Variants in PDE10A observed in about 807,000 individuals in gnomAD.
PDE10A encodes the protein cAMP and cAMP-inhibited cGMP 3',5'-cyclic phosphodiesterase 10A.
PDE10A carries 39 observed loss-of-function variants against 97.7 expected under a neutral mutation model. That is an observed-to-expected ratio of 0.40 (90% CI 0.31 to 0.52). PDE10A has a LOEUF of 0.52. Among genes scored for constraint, PDE10A ranks in the 20% least tolerant of loss-of-function variants. The probability of loss-of-function intolerance (pLI) is 0.56; values close to 1 mark genes in which losing one functional copy is unlikely to be tolerated. For synonymous variants in PDE10A, 371 were observed against 376.8 expected (o/e 0.98, Z 0.18); for missense variants, 731 against 1,047.8 (o/e 0.70, Z 4.17).
At chr6:165,404,851 A>AAAAACAAAACAAAAC (rs59508942) in intron 13 of PDE10A, among the ~76,000 whole-genome samples, 12 of 150,974 alleles carry the variant, frequency 7.9e-5, no homozygotes, top group African/African-American at 2.9e-4. Context: ...ACCAAAATGC[A>AAAAACAAAACAAAAC]AAAACAAAAC....
chr6:165,479,050 C>T (rs1305432157), intron 3 of PDE10A, among the ~76,000 whole-genome samples: 1 of 152,166 alleles, frequency 6.6e-6, no homozygotes, highest in African/African-American at 2.4e-5. Context: ...TCTGGACACA[C>T]CTCAGAACCT....
chr6:165,669,419 A>G (rs888547653), intron 1 of PDE10A, among the ~76,000 whole-genome samples: 1 of 152,202 alleles, frequency 6.6e-6, no homozygotes, highest in Non-Finnish European at 1.5e-5. Context: ...CATCATCAAC[A>G]AAGGAAAGGT....
intron 16 of PDE10A, among the ~76,000 whole-genome samples, chr6:165,390,094 A>C (rs1785583507): frequency 6.6e-6 from 1 of 152,192 alleles, no homozygotes; most frequent in Non-Finnish European, 1.5e-5. Context: ...ATTATACCTG[A>C]AAAGGGGGAA....
At chr6:165,891,962 T>A (rs1781813234) in intron 1 of PDE10A, among the ~76,000 whole-genome samples, 1 of 136,832 alleles carries the variant, frequency 7.3e-6, no homozygotes, top group Admixed American at 7.5e-5. Context: ...TTTTTTTTTT[T>A]TAATGTGATG....
At chr6:165,339,836 C>A (rs931125255) in intron 19 of PDE10A, among the ~76,000 whole-genome samples, 1 of 152,300 alleles carries the variant, frequency 6.6e-6, no homozygotes, top group African/African-American at 2.4e-5. Flanking sequence ...CTACACATAT[C>A]ATCTAATTTA....
intron 1 of PDE10A, among the ~76,000 whole-genome samples, chr6:165,889,925 A>C (rs949544557): frequency 0.075 from 372 of 4,940 alleles, no homozygotes; most frequent in African/African-American, 0.088. Context: ...CTCACTCCTC[A>C]CTCCTCCCTC....
chr6:165,790,470 A>C (rs1778616885), intron 1 of PDE10A, among the ~76,000 whole-genome samples: 1 of 152,212 alleles, frequency 6.6e-6, no homozygotes, highest in Non-Finnish European at 1.5e-5. Context: ...ATAAATATAA[A>C]ATTGTAATAA....
intron 17 of PDE10A, among the ~76,000 whole-genome samples, chr6:165,384,079 C>A (rs1375976987): frequency 6.6e-6 from 1 of 152,074 alleles, no homozygotes; most frequent in East Asian, 1.9e-4. Flanking sequence ...ATTCCAGAGG[C>A]CCCAGAGAGT....
chr6:165,660,565 C>G (rs182880514), intron 1 of PDE10A: 2 of 152,626 alleles, frequency 1.3e-5, no homozygotes, highest in Non-Finnish European at 2.9e-5. Flanking sequence ...AATACGCTCG[C>G]CAGCCCGGGG....
At chr6:165,836,515 T>G (rs1302394172) in intron 1 of PDE10A, among the ~76,000 whole-genome samples, 1 of 152,312 alleles carries the variant, frequency 6.6e-6, no homozygotes, top group East Asian at 1.9e-4. Flanking sequence ...TCTGATTAAG[T>G]CTTACAATAT....
chr6:165,571,919 G>T (rs368870116), intron 1 of PDE10A, among the ~76,000 whole-genome samples: 5 of 152,056 alleles, frequency 3.3e-5, no homozygotes, highest in Admixed American at 2.0e-4. Context: ...TAATATTTAG[G>T]AGCCAAATTG....
intron 1 of PDE10A, among the ~76,000 whole-genome samples, chr6:165,906,037 CTT>C (rs1782266402): frequency 1.3e-4 from 1 of 7,746 alleles, no homozygotes; most frequent in African/African-American, 4.8e-4. Flanking sequence ...TCCTTCCTTC[CTT>C]CCTTCCTTCC....
chr6:165,598,966 C>T (rs138333433), intron 1 of PDE10A, among the ~76,000 whole-genome samples: 8 of 152,130 alleles, frequency 5.3e-5, no homozygotes, highest in African/African-American at 7.2e-5. Context: ...TTCTACCCTA[C>T]GCAGACTGCC....
intron 1 of PDE10A, among the ~76,000 whole-genome samples, chr6:165,897,404 C>A (rs2128483533): frequency 6.6e-6 from 1 of 151,938 alleles, no homozygotes; most frequent in African/African-American, 2.4e-5. Context: ...TGGGAGTGGG[C>A]ACCATCCAGT....
intron 6 of PDE10A, among the ~76,000 whole-genome samples, chr6:165,434,532 T>G (rs1471163119): frequency 2.0e-5 from 3 of 152,228 alleles, no homozygotes; most frequent in Non-Finnish European, 4.4e-5. Context: ...TGTATCTATG[T>G]GCATGGTTAG....
At chr6:165,968,128 C>T (rs1041900783) in intron 1 of PDE10A, among the ~76,000 whole-genome samples, 37 of 152,136 alleles carry the variant, frequency 2.4e-4, no homozygotes, top group African/African-American at 8.5e-4. Context: ...GGTGGCAGTG[C>T]CCCTCCTCCA....
chr6:165,850,846 A>G (rs1450955389), intron 1 of PDE10A, among the ~76,000 whole-genome samples: 1 of 152,250 alleles, frequency 6.6e-6, no homozygotes, highest in East Asian at 1.9e-4. Flanking sequence ...AGATTGAAAT[A>G]TGATTAAAAA....
chr6:165,957,153 C>G (rs1306522150), intron 1 of PDE10A, among the ~76,000 whole-genome samples: 1 of 152,134 alleles, frequency 6.6e-6, no homozygotes. Context: ...TTCTTCCTAA[C>G]ACCTTTACCT....
At chr6:165,823,772 C>T (rs1022852688) in intron 1 of PDE10A, among the ~76,000 whole-genome samples, 7 of 151,776 alleles carry the variant, frequency 4.6e-5, no homozygotes, top group East Asian at 3.9e-4. Context: ...CGCACTGTGA[C>T]GTTAAGAAGA....
Sources: gnomAD v4.1 joint callset for allele counts (sites outside exome capture counted in the v4.1 genomes callset) on GRCh38, gnomAD v4.1.1 for gene constraint, MANE v1.5 for transcripts, NCBI Gene and HGNC (gene_info 2026-07-23, HGNC 2026-07-21) for gene names.